MCC: variants seen among roughly 807,000 people sequenced by gnomAD.
MCC encodes colorectal mutant cancer protein.
Under a neutral mutation model 116.2 loss-of-function variants are expected in MCC, and 90 were observed. The observed-to-expected ratio is 0.77, with a 90% confidence interval of 0.65 to 0.92. The LOEUF (loss-of-function observed/expected upper bound fraction) is 0.92. MCC is among the 40% of genes least tolerant of loss of function. The pLI is 0.00. For missense variants in MCC, 1,516 were observed against 1,312.2 expected, an observed-to-expected ratio of 1.16 and a Z score of -2.40; for synonymous variants, 578 against 510.5, an observed-to-expected ratio of 1.13 and a Z score of -1.78.
intron 17 of MCC, among the ~76,000 whole-genome samples, chr5:113,037,286 CA>C (rs112402253): frequency 0.043 from 6,527 of 152,232 alleles, 469 homozygotes; most frequent in African/African-American, 0.15. Context: ...AAGTTTTCTA[CA>C]GTTGGGTGGA....
At chr5:113,303,194 A>G (rs1383679090) in intron 3 of MCC, among the ~76,000 whole-genome samples, 2 of 152,188 alleles carry the variant, frequency 1.3e-5, no homozygotes, top group African/African-American at 4.8e-5. Context: ...TGGGTTCATG[A>G]GAGACTCCAG....
At chr5:113,165,262 G>A (rs1209721114) in intron 3 of MCC, among the ~76,000 whole-genome samples, 1 of 152,180 alleles carries the variant, frequency 6.6e-6, no homozygotes, top group Non-Finnish European at 1.5e-5. Flanking sequence ...AAAGCAGCCT[G>A]TCCTCCTACT....
intron 2 of MCC, among the ~76,000 whole-genome samples, chr5:113,348,738 C>T (rs180725085): frequency 1.2e-3 from 188 of 151,506 alleles, no homozygotes; most frequent in Admixed American, 8.4e-3. Context: ...TTGAAATAAA[C>T]GAAACAATAC....
chr5:113,154,418 G>A (rs890068629), intron 3 of MCC, among the ~76,000 whole-genome samples: 1 of 152,228 alleles, frequency 6.6e-6, no homozygotes, highest in African/African-American at 2.4e-5. Context: ...AAGCCACACT[G>A]CCTAGAATTG....
intron 3 of MCC, among the ~76,000 whole-genome samples, chr5:113,256,213 C>A (rs1283704145): frequency 6.6e-6 from 1 of 152,162 alleles, no homozygotes; most frequent in Non-Finnish European, 1.5e-5. Flanking sequence ...TGTTTCTATC[C>A]AAGAGGAGAG....
chr5:113,147,222 G>A (rs1458197901), intron 4 of MCC, among the ~76,000 whole-genome samples: 2 of 152,070 alleles, frequency 1.3e-5, no homozygotes, highest in African/African-American at 2.4e-5. Flanking sequence ...ATAAAAACAA[G>A]CAACATCGTC....
chr5:113,294,754 G>A lies in MCC; in HGVS notation c.627+45765C>T, dbSNP rs1017306799. On this transcript the variant is annotated intron_variant, in intron 3 of 18. Coordinates refer to ENST00000408903, the MANE Select transcript of MCC (RefSeq NM_001085377.2). ...GTGCCTCGCCGCCCCCCATTACCAG[G>A]ATGGAGGGCACTTCCCAGCACGAGC... The A allele has an allele frequency of 1.0e-5, 10 of 992,974 alleles. No homozygotes were observed. The East Asian group carries it at 1.1e-3, about 109-fold the overall frequency. 61.5% of individuals were successfully genotyped at this position (992,974 alleles called of 1,614,324 possible).
intron 3 of MCC, among the ~76,000 whole-genome samples, chr5:113,304,255 G>C (rs542334562): frequency 1.3e-5 from 2 of 152,158 alleles, no homozygotes; most frequent in South Asian, 4.1e-4. Context: ...AAATAGTTGG[G>C]ATGCAGTAGG....
intron 3 of MCC, among the ~76,000 whole-genome samples, chr5:113,291,218 T>A (rs1766482709): frequency 6.6e-6 from 1 of 152,186 alleles, no homozygotes; most frequent in African/African-American, 2.4e-5. Flanking sequence ...CACCCATCCC[T>A]AGGTCTCCTA....
intron 3 of MCC, among the ~76,000 whole-genome samples, chr5:113,177,390 C>A (rs1234087348): frequency 6.6e-6 from 1 of 152,186 alleles, no homozygotes; most frequent in Non-Finnish European, 1.5e-5. Flanking sequence ...CTAAACCAGG[C>A]GTTGGAGGTC....
chr5:113,120,735 C>T lies in MCC; in HGVS notation c.1027+1949G>A, dbSNP rs900041295. Among the ~76,000 whole-genome samples, 5 of 152,210 alleles carry T rather than the reference C, an allele frequency of 3.3e-5. 1 individual carries two copies. Among genetic ancestry groups the T allele is most frequent in the Admixed American group, 2.0e-4 (3 of 15,280 alleles). On this transcript the variant is annotated intron_variant, in intron 6 of 18. Coordinates refer to ENST00000408903, the MANE Select transcript of MCC (RefSeq NM_001085377.2). Reference sequence around the variant, plus strand: ...ACTATTACATAATTTAAAATGTCAACGTGATAGTAAGATACAAATGGGGCA... The same window carrying T: ...ACTATTACATAATTTAAAATGTCAATGTGATAGTAAGATACAAATGGGGCA...
At chr5:113,250,810 A>G (rs1198010679) in intron 3 of MCC, among the ~76,000 whole-genome samples, 1 of 152,064 alleles carries the variant, frequency 6.6e-6, no homozygotes, top group Non-Finnish European at 1.5e-5. Flanking sequence ...TCTACTTCCT[A>G]CATTCTGATG....
intron 3 of MCC, chr5:113,294,535 G>A (rs1766646108): frequency 3.5e-6 from 5 of 1,447,208 alleles, no homozygotes; most frequent in Non-Finnish European, 4.5e-6. Context: ...AAGCGCAAAC[G>A]GAGGATGCAG....
chr5:113,461,653 A>G (rs905622128), intron 1 of MCC, among the ~76,000 whole-genome samples: 1 of 151,980 alleles, frequency 6.6e-6, no homozygotes, highest in African/African-American at 2.4e-5. Context: ...CCTGAGTGAC[A>G]GAGTGGGACC....
intron 3 of MCC, among the ~76,000 whole-genome samples, chr5:113,325,577 G>C (rs1019747616): frequency 2.6e-5 from 4 of 151,230 alleles, no homozygotes; most frequent in African/African-American, 9.7e-5. Context: ...AATCACAAGT[G>C]CTGTGGGCTC....
chr5:113,229,452 G>A lies in MCC; in HGVS notation c.628-78030C>T, dbSNP rs77442605. Among the ~76,000 whole-genome samples, 649 of 152,256 alleles carry A rather than the reference G, an allele frequency of 4.3e-3. 5 individuals are homozygous for A. The highest frequency in any genetic ancestry group is 0.014 in the African/African-American group (595 of 41,526). Reference sequence around the variant, plus strand: ...AAATATCAGTGATTTCAATTAACACGCAAATGGAGGAGGTTAGCTTAAAAA... The same window carrying A: ...AAATATCAGTGATTTCAATTAACACACAAATGGAGGAGGTTAGCTTAAAAA... On this transcript the variant is annotated intron_variant, in intron 3 of 18. Transcript: ENST00000408903.
At chr5:113,096,911 G>A (rs1756060381) in intron 8 of MCC, among the ~76,000 whole-genome samples, 2 of 152,162 alleles carry the variant, frequency 1.3e-5, no homozygotes, top group Admixed American at 1.3e-4. Context: ...GGAGCACACT[G>A]AAGCCAGACC....
chr5:113,369,065 A>G (rs984060517), intron 2 of MCC, among the ~76,000 whole-genome samples: 2 of 152,118 alleles, frequency 1.3e-5, no homozygotes, highest in African/African-American at 2.4e-5. Flanking sequence ...GGGGACGTAG[A>G]GCTTCCATGC....
chr5:113,119,390 G>A (rs1321340056), intron 6 of MCC, among the ~76,000 whole-genome samples: 3 of 152,198 alleles, frequency 2.0e-5, no homozygotes, highest in African/African-American at 7.2e-5. Flanking sequence ...GGGCCTTGGT[G>A]GAGACAGCTG....
Sources: allele counts gnomAD v4.1 joint callset (sites outside exome capture counted in the v4.1 genomes callset), GRCh38; gene constraint gnomAD v4.1.1; transcripts MANE v1.5; gene names NCBI Gene and HGNC (gene_info 2026-07-23, HGNC 2026-07-21).